Variants in ZDHHC17 observed in about 807,000 individuals in gnomAD.
ZDHHC17 encodes the protein zDHHC palmitoyltransferase 17, also known as palmitoyltransferase ZDHHC17.
Under a neutral mutation model 90.3 loss-of-function variants are expected in ZDHHC17, and 40 were observed. The ratio of observed to expected loss-of-function variants is 0.44; its 90% confidence interval spans 0.34 to 0.58. The LOEUF is 0.58. Among genes scored for constraint, ZDHHC17 ranks in the 20% least tolerant of loss-of-function variants. The pLI, the probability that ZDHHC17 is intolerant of heterozygous loss-of-function variation, is 0.01. For synonymous variants in ZDHHC17, 235 were observed against 252.4 expected (o/e 0.93, Z 0.65); for missense variants, 614 against 780.8 (o/e 0.79, Z 2.55).
At chr12:76,823,377 T>C (rs1452588611) in intron 8 of ZDHHC17, among the ~76,000 whole-genome samples, 1 of 152,250 alleles carries the variant, frequency 6.6e-6, no homozygotes, top group African/African-American at 2.4e-5. Context: ...ACCTTCAGTT[T>C]TAAATTGTAT....
intron 14 of ZDHHC17, 99 bp from the exon 15 acceptor site, chr12:76,848,134 C>A: frequency 8.0e-7 from 1 of 1,247,682 alleles, no homozygotes; most frequent in South Asian, 1.5e-5. Context: ...TAAATCTAGA[C>A]TGTTTGACTA....
chr12:76,779,259 G>A (rs1227714249), intron 1 of ZDHHC17, among the ~76,000 whole-genome samples: 1 of 152,158 alleles, frequency 6.6e-6, no homozygotes, highest in African/African-American at 2.4e-5. Flanking sequence ...CCAGTCTGTA[G>A]CTTGTCTTTT....
intron 10 of ZDHHC17, among the ~76,000 whole-genome samples, chr12:76,829,999 C>A (rs1953280544): frequency 6.6e-6 from 1 of 152,078 alleles, no homozygotes; most frequent in Admixed American, 6.6e-5. Context: ...GGCTAATATA[C>A]TTTTTAAAAC....
In ZDHHC17 at chr12:76,850,889, A is replaced by T. The variant is rs1348033395; in HGVS notation, c.1803A>T (p.Arg601=). The change falls in exon 17 of 17, where the codon CGA becomes CGT. Residue 601 remains arginine, a synonymous_variant. Transcript: ENST00000426126. ...VRNIIDFFEF[R]CCGLFRPVIV... is the part of the protein sequence containing the mutation. Reference sequence around the variant, plus strand: ...ATATTATAGACTTCTTTGAATTTCGATGCTGTGGCCTCTTTCGTCCTGTTA... The same window carrying T: ...ATATTATAGACTTCTTTGAATTTCGTTGCTGTGGCCTCTTTCGTCCTGTTA... The T allele has an allele frequency of 1.3e-5, 21 of 1,613,808 alleles. No homozygotes were observed. The highest frequency in any genetic ancestry group is 1.8e-5 in the Non-Finnish European group (21 of 1,179,884).
intron 7 of ZDHHC17, among the ~76,000 whole-genome samples, chr12:76,819,455 C>T (rs1490152942): frequency 6.6e-6 from 1 of 152,066 alleles, no homozygotes; most frequent in Non-Finnish European, 1.5e-5. Flanking sequence ...GCAAATCTGG[C>T]TATGGCTTTA....
intron 2 of ZDHHC17, among the ~76,000 whole-genome samples, chr12:76,799,479 A>G (rs1431060096): frequency 2.6e-5 from 4 of 152,202 alleles, no homozygotes; most frequent in Non-Finnish European, 4.4e-5. Flanking sequence ...CTTGCTGAGG[A>G]CATGTGAATT....
At chr12:76,795,298 G>A (rs976068680) in intron 1 of ZDHHC17, among the ~76,000 whole-genome samples, 1 of 150,260 alleles carries the variant, frequency 6.7e-6, no homozygotes, top group Admixed American at 6.6e-5. Flanking sequence ...TGTTTTTGTT[G>A]TTGTTGATCT....
chr12:76,771,085 A>G (rs1250007233), intron 1 of ZDHHC17, among the ~76,000 whole-genome samples: 1 of 152,190 alleles, frequency 6.6e-6, no homozygotes, highest in Non-Finnish European at 1.5e-5. Context: ...TTACAGATGG[A>G]TAATTTAAGA....
In ZDHHC17 at chr12:76,787,846, AC is replaced by A. The variant is rs200731528; in HGVS notation, c.94-9586del. Among the ~76,000 whole-genome samples, 215 of 152,342 alleles carry A rather than the reference AC, an allele frequency of 1.4e-3. 2 individuals carry two copies. The East Asian group carries it at 0.035, about 25-fold the overall frequency. On this transcript the variant is annotated intron_variant, in intron 1 of 16. Coordinates refer to ENST00000426126, the MANE Select transcript of ZDHHC17 (RefSeq NM_015336.4). The stretch of plus-strand genomic sequence containing the variant: ...ATATAGATCCATTTACACACTACTT[AC>A]CAAACTAAACAACTCTCAGAATCAT...
In ZDHHC17 at chr12:76,809,860, A is replaced by G. The variant is rs1182002107; in HGVS notation, c.543+3A>G. The G allele has an allele frequency of 5.0e-6, 8 of 1,606,354 alleles. No individual in the cohort carries two copies. Among genetic ancestry groups the G allele is most frequent in the Non-Finnish European group, 6.8e-6 (8 of 1,175,946 alleles). The stretch of plus-strand genomic sequence containing the variant: ...CTTATCTCATAGCAAAAGGACAGGT[A>G]AAAAAAATCTCAGTGGTATGGATTT... On this transcript the variant is annotated splice_donor_region_variant and intron_variant, in intron 5 of 16. Transcript: ENST00000426126.
At chr12:76,815,299 C>CCTG in intron 6 of ZDHHC17, 89 bp downstream of exon 6, 3 of 776,120 alleles carry the variant, frequency 3.9e-6, no homozygotes, top group Admixed American at 3.0e-5. Context: ...TAATACTATA[C>CCTG]TCACTAATAT....
At chr12:76,790,804 G>A (rs1373306874) in intron 1 of ZDHHC17, among the ~76,000 whole-genome samples, 1 of 152,190 alleles carries the variant, frequency 6.6e-6, no homozygotes, top group East Asian at 1.9e-4. Context: ...TAGAATAGTG[G>A]TTACTAGAGG....
intron 1 of ZDHHC17, among the ~76,000 whole-genome samples, chr12:76,778,658 T>C (rs1410071290): frequency 1.3e-5 from 2 of 152,244 alleles, no homozygotes; most frequent in Admixed American, 6.5e-5. Context: ...CCCAGTCTTA[T>C]AGGTAAGTGA....
chr12:76,778,393 TA>T (rs1358631317), intron 1 of ZDHHC17, among the ~76,000 whole-genome samples: 3 of 152,096 alleles, frequency 2.0e-5, no homozygotes, highest in Admixed American at 1.3e-4. Flanking sequence ...CGAATTTTTT[TA>T]GTTTTTAGTA....
Position 76,798,555 on chromosome 12 carries a change from G to GA in ZDHHC17, c.197+1031dup, listed in dbSNP as rs55858334. On this transcript the variant is annotated intron_variant, in intron 2 of 16. Transcript: ENST00000426126. Reference sequence around the variant, plus strand: ...ATGAGACCCTGTCTCTGCAAAAAAAGAAAAAAAAAAAAAGTAGGGCATTGT... The same window carrying GA: ...ATGAGACCCTGTCTCTGCAAAAAAAGAAAAAAAAAAAAAAGTAGGGCATTGT... Among the ~76,000 whole-genome samples, 511 of 129,966 alleles carry GA rather than the reference G, an allele frequency of 3.9e-3. 1 individual carries two copies. Among genetic ancestry groups the GA allele is most frequent in the African/African-American group, 0.012 (418 of 34,414 alleles). 85.3% of individuals were successfully genotyped at this position (129,966 alleles called of 152,430 possible). A position where few individuals can be genotyped will look rare whatever the true frequency, so the allele number is the denominator to read the frequency against.
At chr12:76,798,828 T>G (rs78777861) in intron 2 of ZDHHC17, among the ~76,000 whole-genome samples, 5,947 of 152,024 alleles carry the variant, frequency 0.039, 275 homozygotes, top group African/African-American at 0.11. Context: ...AACAACCAAA[T>G]CTCATGAGAA....
intron 1 of ZDHHC17, among the ~76,000 whole-genome samples, chr12:76,786,334 T>G (rs1416199054): frequency 1.3e-5 from 2 of 152,144 alleles, no homozygotes; most frequent in Non-Finnish European, 2.9e-5. Context: ...CAGGCTGTAG[T>G]GCAGTGGCAC....
chr12:76,825,993 A>AT (rs1953225814), intron 8 of ZDHHC17, among the ~76,000 whole-genome samples: 2 of 151,818 alleles, frequency 1.3e-5, no homozygotes. Context: ...TAATTTTTGT[A>AT]TTTTTTGTAG....
rs546656994 is a variant in ZDHHC17 at position 76,805,274 on chromosome 12, T to C, written c.198-43T>C. 3 of 1,483,690 alleles carry C rather than the reference T, an allele frequency of 2.0e-6. No individual in the cohort carries two copies. In the South Asian group the frequency reaches 3.7e-5, roughly 18 times the overall value. 91.9% of individuals were successfully genotyped at this position (1,483,690 alleles called of 1,614,324 possible). A position where few individuals can be genotyped will look rare whatever the true frequency, so the allele number is the denominator to read the frequency against. ...AAAATGTTATTTTTAACTTTACATT[T>C]CTTGTTAAATAATAACAATGCCATA... On this transcript the variant is annotated intron_variant, in intron 2 of 16. Coordinates refer to ENST00000426126, the MANE Select transcript of ZDHHC17 (RefSeq NM_015336.4).
Sources: gnomAD v4.1 joint callset for allele counts (sites outside exome capture counted in the v4.1 genomes callset) on GRCh38, gnomAD v4.1.1 for gene constraint, MANE v1.5 for transcripts, NCBI Gene and HGNC (gene_info 2026-07-23, HGNC 2026-07-21) for gene names.